The following AGBL3 variants were observed in gnomAD, a reference collection of about 807,000 sequenced individuals.
AGBL3 encodes cytosolic carboxypeptidase 3.
A neutral mutation model predicts 94.5 loss-of-function variants in AGBL3; 68 were observed. The observed-to-expected ratio is 0.72, with a 90% confidence interval of 0.59 to 0.88. AGBL3 has a LOEUF of 0.88. Among genes scored for constraint, AGBL3 ranks in the 40% least tolerant of loss-of-function variants. The pLI is 0.00. For missense variants in AGBL3, 934 were observed against 1,103.8 expected, an observed-to-expected ratio of 0.85 and a Z score of 2.18; for synonymous variants, 354 against 370.7, an observed-to-expected ratio of 0.95 and a Z score of 0.52.
At chr7:135,037,248 A>G (rs1008670378) in intron 7 of AGBL3, among the ~76,000 whole-genome samples, 170 bp from the exon 8 acceptor site, 1 of 152,170 alleles carries the variant, frequency 6.6e-6, no homozygotes, top group Non-Finnish European at 1.5e-5. Flanking sequence ...TAGTTAATAA[A>G]TTATTGTAGA....
chr7:135,031,363 G>A (rs932600824), intron 5 of AGBL3, among the ~76,000 whole-genome samples: 3 of 152,200 alleles, frequency 2.0e-5, no homozygotes, highest in East Asian at 3.9e-4. Context: ...GGGTTCAAGC[G>A]ATTCTCATGC....
chr7:135,032,804 G>C, intron 5 of AGBL3, 40 bp from the exon 6 acceptor site: 2 of 1,511,086 alleles, frequency 1.3e-6, no homozygotes, highest in South Asian at 2.6e-5. Context: ...TCTTACTTTA[G>C]GTATACCTTG....
At chr7:135,029,762 A>T (rs1009571772) in intron 5 of AGBL3, among the ~76,000 whole-genome samples, 5 of 152,174 alleles carry the variant, frequency 3.3e-5, no homozygotes, top group Non-Finnish European at 7.4e-5. Flanking sequence ...CACTAAGCTT[A>T]ATCATTTTTG....
intron 6 of AGBL3, 57 bp from the exon 7 acceptor site, chr7:135,034,092 C>A: frequency 7.7e-7 from 1 of 1,306,534 alleles, no homozygotes; most frequent in East Asian, 2.8e-5. Context: ...TGGTTTTTTA[C>A]AAAATGTCAT....
chr7:135,089,079 T>C lies in AGBL3; in HGVS notation c.2110+7289T>C, dbSNP rs1011571912. The stretch of plus-strand genomic sequence containing the variant: ...CACTGTTTTTCATTCTTTTTTTTTT[T>C]CCTCTTACTGAGTATTTCAGACTAC... On this transcript the variant is annotated intron_variant, in intron 15 of 16. Transcript: ENST00000436302. Among the ~76,000 whole-genome samples the C allele has an allele frequency of 1.4e-4, 21 of 147,360 alleles. 2 individuals are homozygous for C. The South Asian group carries it at 3.1e-3, about 22-fold the overall frequency.
At chr7:135,093,937 A>G (rs1822248100) in intron 15 of AGBL3, 1 of 160,424 alleles carries the variant, frequency 6.2e-6, no homozygotes. Context: ...ATGTAAATAA[A>G]CCTTTATATA....
chr7:135,037,607 T>C, intron 8 of AGBL3, 27 bp downstream of exon 8: 4 of 1,499,700 alleles, frequency 2.7e-6, no homozygotes, highest in Non-Finnish European at 3.6e-6. Context: ...GTATTAACTT[T>C]TCCTTTATCA....
chr7:135,120,740 G>C (rs1827022985), intron 16 of AGBL3, among the ~76,000 whole-genome samples: 2 of 152,202 alleles, frequency 1.3e-5, no homozygotes. Flanking sequence ...AAAGTAAAAG[G>C]ATGGAAGAAG....
At chr7:135,120,141 G>C (rs1826936367) in intron 16 of AGBL3, among the ~76,000 whole-genome samples, 1 of 152,096 alleles carries the variant, frequency 6.6e-6, no homozygotes, top group African/African-American at 2.4e-5. Flanking sequence ...TTTCTAAACA[G>C]ATAGAAAATG....
rs1817254231 is a variant in AGBL3, at chr7:135,045,324, G to A, written c.1628-150G>A. 4 of 629,782 alleles carry A rather than the reference G, an allele frequency of 6.4e-6. No homozygotes were observed. The South Asian group carries it at 7.9e-5, about 12-fold the overall frequency. 39.0% of individuals were successfully genotyped at this position (629,782 alleles called of 1,614,324 possible). A position where few individuals can be genotyped will look rare whatever the true frequency, so the allele number is the denominator to read the frequency against. On this transcript the variant is annotated intron_variant, in intron 9 of 16. Coordinates refer to ENST00000436302, the MANE Select transcript of AGBL3 (RefSeq NM_178563.4). ...TGGAAAAGGAACAAGGGAAAGCAATGAGATGTTAAATGACCTGTCCTGAAG... is the reference window on the plus strand; with the variant it reads ...TGGAAAAGGAACAAGGGAAAGCAATAAGATGTTAAATGACCTGTCCTGAAG...
chr7:135,002,720 G>T (rs1811876879), intron 4 of AGBL3, among the ~76,000 whole-genome samples: 1 of 152,166 alleles, frequency 6.6e-6, no homozygotes, highest in Non-Finnish European at 1.5e-5. Flanking sequence ...GCTGCACAAT[G>T]AGAGTACCTA....
Position 135,032,876 on chromosome 7 carries a change from G to A in AGBL3, c.451G>A (p.Val151Ile). Reference sequence around the variant, plus strand: ...AGAGCCCTGTTTTGTGTATTCCCGAGTTGGGGGTAACCGAACACCTTTGAA... The same window carrying A: ...AGAGCCCTGTTTTGTGTATTCCCGAATTGGGGGTAACCGAACACCTTTGAA... Reference protein sequence around the residue: ...YKEPCFVYSRVGGNRTPLKQP... With the variant: ...YKEPCFVYSRIGGNRTPLKQP... Residue 151 changes from valine to isoleucine, a missense_variant, in exon 6 of 17, where the codon GTT becomes ATT. Coordinates refer to ENST00000436302, the MANE Select transcript of AGBL3 (RefSeq NM_178563.4). 6.4e-7 allele frequency: 1 copy of A among 1,550,608 alleles called. No homozygotes were observed. Among genetic ancestry groups the A allele is most frequent in the Non-Finnish European group, 8.7e-7 (1 of 1,146,546 alleles).
chr7:135,127,934 A>G (rs1828118735), intron 16 of AGBL3, among the ~76,000 whole-genome samples: 1 of 152,188 alleles, frequency 6.6e-6, no homozygotes. Context: ...CCAAATACCC[A>G]TCAGTGATAG....
At chr7:135,103,186 C>A (rs4732090) in intron 15 of AGBL3, among the ~76,000 whole-genome samples, 144,927 of 152,160 alleles carry the variant, frequency 0.95, 69,353 homozygotes, top group Non-Finnish European at 1. Context: ...CTTCACCTGC[C>A]TAGATTTTCT....
intron 11 of AGBL3, among the ~76,000 whole-genome samples, chr7:135,054,194 T>C (rs771036205): frequency 2.0e-5 from 3 of 152,182 alleles, no homozygotes; most frequent in Non-Finnish European, 4.4e-5. Context: ...TCCTCTTGCC[T>C]TTGGCTGTCT....
chr7:135,106,295 G>A (rs1208821293), intron 15 of AGBL3, among the ~76,000 whole-genome samples: 3 of 152,164 alleles, frequency 2.0e-5, no homozygotes, highest in African/African-American at 7.2e-5. Flanking sequence ...GGGCATCCTT[G>A]TCTTGTGCCA....
intron 4 of AGBL3, among the ~76,000 whole-genome samples, chr7:135,002,727 C>T (rs1331708413): frequency 6.6e-6 from 1 of 152,144 alleles, no homozygotes; most frequent in East Asian, 1.9e-4. Context: ...AATGAGAGTA[C>T]CTATTTTCCC....
At chr7:135,002,491 G>C (rs866030881) in intron 4 of AGBL3, among the ~76,000 whole-genome samples, 1 of 151,982 alleles carries the variant, frequency 6.6e-6, no homozygotes, top group African/African-American at 2.4e-5. Flanking sequence ...TCAGTCCCCC[G>C]CCTCTCCATC....
chr7:135,131,972 A>C (rs1337767501), intron 16 of AGBL3, among the ~76,000 whole-genome samples: 1 of 152,150 alleles, frequency 6.6e-6, no homozygotes, highest in Non-Finnish European at 1.5e-5. Flanking sequence ...ACCCCAACTC[A>C]TTCAATATGA....
Sources: gnomAD v4.1 joint callset for allele counts (sites outside exome capture counted in the v4.1 genomes callset) on GRCh38, gnomAD v4.1.1 for gene constraint, MANE v1.5 for transcripts, NCBI Gene and HGNC (gene_info 2026-07-23, HGNC 2026-07-21) for gene names.